ABCC1: variants seen among roughly 807,000 people sequenced by gnomAD.
The protein encoded by ABCC1 is multidrug resistance-associated protein 1.
A neutral mutation model predicts 172.9 loss-of-function variants in ABCC1; 83 were observed. The observed-to-expected ratio is 0.48, with a 90% CI of 0.40 to 0.58. The LOEUF (loss-of-function observed/expected upper bound fraction) is 0.58. ABCC1 is among the 20% of genes least tolerant of loss of function. ABCC1 has a pLI of 0.00. For missense variants in ABCC1, 1,817 were observed against 2,002.7 expected (o/e 0.91, Z 1.77); for synonymous variants, 937 against 825.2 (o/e 1.14, Z -2.32).
chr16:16,125,962 C>T lies in ABCC1; in HGVS notation c.3819+51C>T, dbSNP rs758403504. 11 of 1,416,036 alleles carry T rather than the reference C, an allele frequency of 7.8e-6. No individual in the cohort carries two copies. The African/African-American group carries it at 1.3e-4, about 16-fold the overall frequency. The allele number at this position is 1,416,036 out of a possible 1,614,324, so 87.7% of individuals were successfully genotyped here. A position where few individuals can be genotyped will look rare whatever the true frequency, so the allele number is the denominator to read the frequency against. ...TCTTGGTCTTTGGTGTAGCTTTACCCCAAGGAGATCTCTGGACCCTATCCT... is the reference window on the plus strand; with the variant it reads ...TCTTGGTCTTTGGTGTAGCTTTACCTCAAGGAGATCTCTGGACCCTATCCT... On this transcript the variant is annotated intron_variant, in intron 26 of 30. Transcript: ENST00000399410.
intron 5 of ABCC1, among the ~76,000 whole-genome samples, chr16:16,027,048 C>T (rs886243185): frequency 3.3e-5 from 5 of 152,086 alleles, no homozygotes; most frequent in African/African-American, 1.2e-4. Flanking sequence ...ATTTGAGGGT[C>T]TTGTTAAGCT....
chr16:16,113,723 A>G (rs997193358), intron 22 of ABCC1, among the ~76,000 whole-genome samples: 2 of 152,210 alleles, frequency 1.3e-5, no homozygotes, highest in East Asian at 3.9e-4. Flanking sequence ...CTCAGTAGCC[A>G]TCATTTCAGA....
chr16:16,068,708 C>T (rs1415250536), intron 13 of ABCC1, among the ~76,000 whole-genome samples: 5 of 152,088 alleles, frequency 3.3e-5, no homozygotes, highest in South Asian at 2.1e-4. Flanking sequence ...ACCTTACAGC[C>T]GGGCGCGGCG....
intron 16 of ABCC1, among the ~76,000 whole-genome samples, chr16:16,080,125 C>T (rs1006880021): frequency 6.6e-6 from 1 of 152,074 alleles, no homozygotes; most frequent in Non-Finnish European, 1.5e-5. Flanking sequence ...TTAAGAAATA[C>T]TTAGTAGACA....
intron 1 of ABCC1, among the ~76,000 whole-genome samples, chr16:16,003,148 T>C (rs1253884331): frequency 6.6e-6 from 1 of 150,438 alleles, no homozygotes; most frequent in Admixed American, 6.6e-5. Flanking sequence ...GGATGAACTG[T>C]TGGGTGGGTA....
chr16:16,111,314 G>A, intron 21 of ABCC1, 61 bp from the exon 22 acceptor site: 1 of 1,475,986 alleles, frequency 6.8e-7, no homozygotes, highest in Non-Finnish European at 9.5e-7. Flanking sequence ...GACCTTGTGG[G>A]GCTGGGGCTG....
intron 19 of ABCC1, among the ~76,000 whole-genome samples, chr16:16,101,492 C>G (rs1387702252): frequency 6.6e-6 from 1 of 152,146 alleles, no homozygotes; most frequent in Non-Finnish European, 1.5e-5. Flanking sequence ...CAAGATTTTG[C>G]ATTTTTGAGC....
In ABCC1 at chr16:16,076,394, C is replaced by G. The variant is rs1254351151; in HGVS notation, c.1981C>G (p.Leu661Val). 6.2e-7 allele frequency: 1 copy of G among 1,608,364 alleles called. No homozygotes were observed. The highest frequency in any genetic ancestry group is 8.5e-7 in the Non-Finnish European group (1 of 1,177,746). ...CTGGGCCAGGAGCGACCCTCCCACA[C>G]TGAATGGGTAAGCCGGGACGTGGAC... ...FTWARSDPPT[L>V]NGITFSIPEG... Residue 661 changes from leucine (L) to valine (V), a missense_variant, in exon 15 of 31, where the codon CTG becomes GTG. This residue lies in a region of ABCC1 where 1,412 missense variants were observed against 1,600.3 expected (regional missense o/e 0.88). Transcript: ENST00000399410.
intron 1 of ABCC1, among the ~76,000 whole-genome samples, chr16:15,979,309 C>CAAAA (rs59271219): frequency 6.7e-6 from 1 of 150,008 alleles, no homozygotes; most frequent in African/African-American, 2.5e-5. Flanking sequence ...AACAAACAAA[C>CAAAA]AAAAAAAAAA....
chr16:16,129,406 T>G (rs902776357), intron 26 of ABCC1, among the ~76,000 whole-genome samples: 1 of 152,082 alleles, frequency 6.6e-6, no homozygotes, highest in African/African-American at 2.4e-5. Flanking sequence ...CCCAGCACTT[T>G]GGGAGGCCAA....
intron 30 of ABCC1, among the ~76,000 whole-genome samples, chr16:16,140,232 A>G (rs2046077235): frequency 2.0e-5 from 3 of 152,344 alleles, no homozygotes; most frequent in South Asian, 2.1e-4. Context: ...CCAGAAAGGT[A>G]GGCAGGGGCT....
intron 19 of ABCC1, among the ~76,000 whole-genome samples, chr16:16,099,910 C>A (rs942294974): frequency 1.3e-5 from 2 of 152,064 alleles, no homozygotes; most frequent in African/African-American, 4.8e-5. Flanking sequence ...ATGGTGAAAC[C>A]CCGTCTCTAC....
intron 30 of ABCC1, among the ~76,000 whole-genome samples, chr16:16,140,181 C>T (rs1273440408): frequency 6.6e-6 from 1 of 152,014 alleles, no homozygotes; most frequent in Non-Finnish European, 1.5e-5. Context: ...AGGCCATGTA[C>T]CTAGAGGTTG....
intron 12 of ABCC1, among the ~76,000 whole-genome samples, chr16:16,061,137 C>G (rs2049891767): frequency 6.6e-6 from 1 of 152,186 alleles, no homozygotes; most frequent in Non-Finnish European, 1.5e-5. Flanking sequence ...GTTGGCCAGG[C>G]TGGTCTCAAA....
Position 16,093,601 on chromosome 16 carries a change from A to G in ABCC1, c.2644+3013A>G, listed in dbSNP as rs546465441. Among the ~76,000 whole-genome samples, 235 of 152,100 alleles carry G rather than the reference A, an allele frequency of 1.5e-3. 2 individuals are homozygous for G. The highest frequency in any genetic ancestry group is 2.4e-3 in the Non-Finnish European group (161 of 67,980). ...GTCCTTGGCAGTGGGTCTTACATCA[A>G]ACTGGGGCACCCCCCTCTCTCACCA... is the stretch of plus-strand genomic sequence containing the variant. On this transcript the variant is annotated intron_variant, in intron 19 of 30. Transcript: ENST00000399410.
chr16:16,008,399 C>T (rs1214881454), intron 2 of ABCC1, among the ~76,000 whole-genome samples: 1 of 151,642 alleles, frequency 6.6e-6, no homozygotes, highest in African/African-American at 2.4e-5. Flanking sequence ...AGAGGGGGGA[C>T]TTGCTGTGTT....
At chr16:16,087,694 A>G (rs1236934122) in intron 18 of ABCC1, among the ~76,000 whole-genome samples, 1 of 152,110 alleles carries the variant, frequency 6.6e-6, no homozygotes, top group Non-Finnish European at 1.5e-5. Context: ...CCTGACCTCA[A>G]GTGATCTGCC....
intron 19 of ABCC1, among the ~76,000 whole-genome samples, chr16:16,101,381 ACTGAGAATTCCTGG>A (rs1214278007): frequency 2.0e-5 from 3 of 151,994 alleles, no homozygotes; most frequent in Admixed American, 1.3e-4. Flanking sequence ...TACAACCAAG[ACTGAGAATTCCTGG>A]CATGGAGTGC....
intron 28 of ABCC1, among the ~76,000 whole-genome samples, chr16:16,135,783 C>T (rs761276109): frequency 6.6e-5 from 10 of 152,104 alleles, no homozygotes; most frequent in Non-Finnish European, 1.5e-4. Context: ...GACCAATCCC[C>T]GCAGGTGGAT....
Sources: allele counts gnomAD v4.1 joint callset (sites outside exome capture counted in the v4.1 genomes callset), GRCh38; gene constraint gnomAD v4.1.1; regional missense constraint gnomAD v4.1.1; transcripts MANE v1.5; gene names NCBI Gene and HGNC (gene_info 2026-07-23, HGNC 2026-07-21).